Variants in TDRD9 observed in about 807,000 individuals in gnomAD.
TDRD9 encodes the protein ATP-dependent RNA helicase TDRD9.
Under a neutral mutation model 172.6 loss-of-function variants are expected in TDRD9, and 124 were observed. That is an observed-to-expected ratio of 0.72 (90% confidence interval 0.62 to 0.83). The LOEUF (loss-of-function observed/expected upper bound fraction) is 0.83, where lower values mean the gene tolerates loss of function less well. Among genes scored for constraint, TDRD9 ranks in the 40% least tolerant of loss-of-function variants. The pLI is 0.00. For missense variants in TDRD9, 1,479 were observed against 1,714.1 expected (o/e 0.86, Z 2.42); for synonymous variants, 619 against 617.1 (o/e 1.00, Z -0.05).
chr14:104,034,116 CCTTGACTTCAGCT>C (rs1378631851), intron 31 of TDRD9, 47 bp downstream of exon 31: 2 of 1,248,794 alleles, frequency 1.6e-6, no homozygotes, highest in Non-Finnish European at 1.1e-6. Flanking sequence ...TTTTTCTTTT[CCTTGACTTCAGCT>C]ACTAGGAACA....
intron 7 of TDRD9, among the ~76,000 whole-genome samples, chr14:103,982,178 T>C (rs533630555): frequency 1.3e-4 from 20 of 152,320 alleles, no homozygotes; most frequent in South Asian, 2.1e-4. Context: ...ATTGTCACCA[T>C]TAGTGTCTCC....
chr14:104,006,161 G>C (rs2034431049), intron 15 of TDRD9, among the ~76,000 whole-genome samples: 1 of 152,064 alleles, frequency 6.6e-6, no homozygotes, highest in South Asian at 2.1e-4. Flanking sequence ...AAGTCCTTTA[G>C]TGTTACCTCC....
intron 6 of TDRD9, among the ~76,000 whole-genome samples, chr14:103,973,783 C>T (rs2033131226): frequency 6.6e-6 from 1 of 152,256 alleles, no homozygotes; most frequent in African/African-American, 2.4e-5. Flanking sequence ...TTCTTTTTAA[C>T]TTCAGACATC....
chr14:103,940,997 G>GCT (rs1566725813), intron 1 of TDRD9: 1 of 1,535,376 alleles, frequency 6.5e-7, no homozygotes, highest in East Asian at 2.4e-5. Context: ...AGGTCCTCTT[G>GCT]CTCACTCCCT....
In TDRD9 at chr14:103,966,844, A is replaced by G; in HGVS notation, c.765+13A>G. On this transcript the variant is annotated intron_variant, in intron 5 of 35. Transcript: ENST00000409874. Reference sequence around the variant, plus strand: ...CATCATTGATGAAGTAAGTGATGTCATCTACTTGTAAAGGTCATATTTATC... The same window carrying G: ...CATCATTGATGAAGTAAGTGATGTCGTCTACTTGTAAAGGTCATATTTATC... 9 of 1,547,334 alleles carry G rather than the reference A, an allele frequency of 5.8e-6. No homozygotes were observed. The highest frequency in any genetic ancestry group is 7.0e-6 in the Non-Finnish European group (8 of 1,145,096).
chr14:103,984,575 C>G (rs547962712), intron 7 of TDRD9, among the ~76,000 whole-genome samples: 1 of 152,332 alleles, frequency 6.6e-6, no homozygotes, highest in East Asian at 1.9e-4. Flanking sequence ...CCTCTGCCTA[C>G]TTTTCAGAGA....
intron 1 of TDRD9, among the ~76,000 whole-genome samples, chr14:103,937,867 T>TA (rs201090978): frequency 2.2e-5 from 3 of 134,170 alleles, no homozygotes; most frequent in East Asian, 2.2e-4. Flanking sequence ...CTTTTTTTTT[T>TA]AATTTTCTTT....
chr14:104,017,897 A>G (rs1414664850), intron 22 of TDRD9, among the ~76,000 whole-genome samples, 195 bp from the exon 23 acceptor site: 2 of 152,224 alleles, frequency 1.3e-5, no homozygotes, highest in Admixed American at 1.3e-4. Context: ...TTTATTTAAC[A>G]TATTTATTAT....
chr14:104,050,219 C>T (rs1016458785), intron 35 of TDRD9, among the ~76,000 whole-genome samples: 3 of 152,174 alleles, frequency 2.0e-5, no homozygotes, highest in Non-Finnish European at 2.9e-5. Flanking sequence ...TCTCACTGTG[C>T]CCTCACGTGA....
chr14:104,043,488 C>T (rs2140924079), intron 34 of TDRD9, among the ~76,000 whole-genome samples: 1 of 152,206 alleles, frequency 6.6e-6, no homozygotes, highest in African/African-American at 2.4e-5. Flanking sequence ...CCCGCTTCAG[C>T]CTCCCAAAGT....
At chr14:103,985,776 C>G (rs1489130911) in intron 7 of TDRD9, among the ~76,000 whole-genome samples, 1 of 152,146 alleles carries the variant, frequency 6.6e-6, no homozygotes, top group Non-Finnish European at 1.5e-5. Flanking sequence ...TTTTGATATA[C>G]AAGGTTACTT....
chr14:104,027,433 C>T (rs2035156898), intron 28 of TDRD9, among the ~76,000 whole-genome samples: 1 of 152,078 alleles, frequency 6.6e-6, no homozygotes, highest in African/African-American at 2.4e-5. Context: ...AGATTTATCT[C>T]CCTAATGGAA....
chr14:103,993,958 C>G (rs978746717), intron 9 of TDRD9, among the ~76,000 whole-genome samples: 1 of 152,170 alleles, frequency 6.6e-6, no homozygotes, highest in Non-Finnish European at 1.5e-5. Context: ...TTTAGCACAT[C>G]CTCATGACCA....
chr14:103,995,884 T>C (rs1164790139), intron 12 of TDRD9, 77 bp downstream of exon 12: 2 of 1,320,640 alleles, frequency 1.5e-6, no homozygotes, highest in Non-Finnish European at 2.1e-6. Context: ...CACTCAGGAA[T>C]TGTTCTTCTC....
rs1020400559 is a variant in TDRD9 at position 103,966,664 on chromosome 14, T to G, written c.643-45T>G. 3.4e-6 allele frequency: 5 copies of G among 1,473,302 alleles called. No homozygotes were observed. In the African/African-American group the frequency reaches 4.3e-5, roughly 13 times the overall value. 91.3% of individuals were successfully genotyped at this position (1,473,302 alleles called of 1,614,324 possible). On this transcript the variant is annotated intron_variant, in intron 4 of 35. Transcript: ENST00000409874. ...TTATATTAATAAAATGGACATAACTTTTTTTTTCTCTTTTTTCCTTTCCTT... is the reference window on the plus strand; with the variant it reads ...TTATATTAATAAAATGGACATAACTGTTTTTTTCTCTTTTTTCCTTTCCTT...
intron 32 of TDRD9, among the ~76,000 whole-genome samples, 189 bp downstream of exon 32, chr14:104,035,245 C>T (rs1400883078): frequency 6.6e-6 from 1 of 151,892 alleles, no homozygotes; most frequent in Non-Finnish European, 1.5e-5. Flanking sequence ...GAAAGAAGCT[C>T]AGAAAGCTTG....
chr14:104,030,340 A>G (rs1430916300), intron 28 of TDRD9, among the ~76,000 whole-genome samples: 1 of 152,154 alleles, frequency 6.6e-6, no homozygotes, highest in Non-Finnish European at 1.5e-5. Flanking sequence ...TAAAAATACA[A>G]AATTAGCTGG....
intron 2 of TDRD9, among the ~76,000 whole-genome samples, chr14:103,960,397 A>G (rs1194629900): frequency 6.6e-6 from 1 of 152,228 alleles, no homozygotes; most frequent in Admixed American, 6.5e-5. Context: ...AGTTTTCCCC[A>G]GTTCATGTAA....
At chr14:104,012,996 A>G (rs1462939925) in intron 20 of TDRD9, among the ~76,000 whole-genome samples, 5 of 152,196 alleles carry the variant, frequency 3.3e-5, no homozygotes, top group African/African-American at 1.2e-4. Flanking sequence ...GTTCACTTAC[A>G]TGTGATTACA....
Sources: allele counts gnomAD v4.1 joint callset (sites outside exome capture counted in the v4.1 genomes callset), GRCh38; gene constraint gnomAD v4.1.1; transcripts MANE v1.5; gene names NCBI Gene and HGNC (gene_info 2026-07-23, HGNC 2026-07-21).